The following UBE2D2 variants were observed in gnomAD, a reference collection of about 807,000 sequenced individuals.
UBE2D2 encodes ubiquitin-conjugating enzyme E2 D2.
Under a neutral mutation model 24.2 loss-of-function variants are expected in UBE2D2, and 2 were observed. The observed-to-expected ratio is 0.08, with a 90% CI of 0.03 to 0.26. The LOEUF is 0.26. Ranked by LOEUF, UBE2D2 falls within the 10% of genes least tolerant of loss-of-function variation. UBE2D2 has a pLI of 1.00. For missense variants in UBE2D2, 44 were observed against 177.6 expected, an observed-to-expected ratio of 0.25 and a Z score of 4.28; for synonymous variants, 58 against 56.5, an observed-to-expected ratio of 1.03 and a Z score of -0.12.
chr5:139,593,295 A>AT (rs1753885539), intron 1 of UBE2D2, among the ~76,000 whole-genome samples: 1 of 152,004 alleles, frequency 6.6e-6, no homozygotes, highest in African/African-American at 2.4e-5. Flanking sequence ...CACCTGGCCG[A>AT]TTCTCAGACA....
intron 1 of UBE2D2, among the ~76,000 whole-genome samples, chr5:139,577,108 G>A (rs1007468308): frequency 6.6e-6 from 1 of 151,922 alleles, no homozygotes; most frequent in South Asian, 2.1e-4. Context: ...GTAGGAAGAC[G>A]GTGGTAACCG....
At chr5:139,584,564 C>T (rs1383045229) in intron 1 of UBE2D2, among the ~76,000 whole-genome samples, 1 of 139,006 alleles carries the variant, frequency 7.2e-6, no homozygotes, top group African/African-American at 2.8e-5. Context: ...AAGAGTTTCG[C>T]TCTTGTTGCC....
chr5:139,537,195 A>C (rs1386416303), intron 1 of UBE2D2, among the ~76,000 whole-genome samples: 3 of 151,888 alleles, frequency 2.0e-5, no homozygotes, highest in South Asian at 4.2e-4. Context: ...AAAAAAAAAA[A>C]AAACAACAAA....
chr5:139,573,422 C>T (rs1753396793), intron 1 of UBE2D2, among the ~76,000 whole-genome samples: 1 of 151,772 alleles, frequency 6.6e-6, no homozygotes, highest in African/African-American at 2.4e-5. Context: ...ATCAGGTACT[C>T]CTTTAAATGT....
intron 1 of UBE2D2, among the ~76,000 whole-genome samples, chr5:139,575,077 A>C (rs938377618): frequency 3.9e-5 from 6 of 152,214 alleles, no homozygotes; most frequent in African/African-American, 1.4e-4. Context: ...AAAGGAACAA[A>C]TAGTGAAACA....
Position 139,619,819 on chromosome 5 carries a change from C to T in UBE2D2, c.305-3549C>T, listed in dbSNP as rs187853437. On this transcript the variant is annotated intron_variant, in intron 5 of 6. Transcript: ENST00000398733. Reference sequence around the variant, plus strand: ...CGGAGGTTGCAGGAAGCTGGGATCGCGCCATTGCACTCCAGCCTGGGCAAC... The same window carrying T: ...CGGAGGTTGCAGGAAGCTGGGATCGTGCCATTGCACTCCAGCCTGGGCAAC... 1.6e-3 allele frequency among the ~76,000 whole-genome samples: 243 copies of T among 152,054 alleles called. 1 individual carries two copies. Among genetic ancestry groups the T allele is most frequent in the African/African-American group, 5.6e-3 (233 of 41,428 alleles).
intron 2 of UBE2D2, among the ~76,000 whole-genome samples, chr5:139,601,191 C>T (rs1299700094): frequency 6.6e-6 from 1 of 152,160 alleles, no homozygotes. Context: ...ATGATAATTT[C>T]CTCTTTGTTC....
chr5:139,617,252 G>GA (rs1221445205), intron 5 of UBE2D2, among the ~76,000 whole-genome samples: 1 of 150,390 alleles, frequency 6.6e-6, no homozygotes, highest in Non-Finnish European at 1.5e-5. Flanking sequence ...GAGAAAAGCA[G>GA]AAAAAAGAAA....
At chr5:139,557,135 C>A (rs779404053), upstream of UBE2D2, among the ~76,000 whole-genome samples, 1 of 149,238 alleles carries the variant, frequency 6.7e-6, no homozygotes, top group Non-Finnish European at 1.5e-5. Flanking sequence ...GCCCAGCCAA[C>A]TTTTATTTCT....
intron 1 of UBE2D2, among the ~76,000 whole-genome samples, chr5:139,549,860 C>T (rs375748799): frequency 2.6e-5 from 4 of 152,228 alleles, no homozygotes; most frequent in Non-Finnish European, 4.4e-5. Flanking sequence ...AGTGTACATG[C>T]GCCAATCAGC....
At chr5:139,548,163 CA>C (rs749269739) in intron 1 of UBE2D2, among the ~76,000 whole-genome samples, 2 of 33,004 alleles carry the variant, frequency 6.1e-5, no homozygotes, top group East Asian at 1.7e-3. Context: ...GACTCCGTCT[CA>C]AAAAAAAAAA....
intron 5 of UBE2D2, among the ~76,000 whole-genome samples, chr5:139,617,800 A>G (rs1368943317): frequency 6.6e-6 from 1 of 152,086 alleles, no homozygotes; most frequent in Non-Finnish European, 1.5e-5. Context: ...AGGAACAATA[A>G]TACATATTTC....
At chr5:139,608,014 T>TG (rs963624349) in intron 2 of UBE2D2, among the ~76,000 whole-genome samples, 7 of 148,766 alleles carry the variant, frequency 4.7e-5, no homozygotes, top group East Asian at 4.1e-4. Context: ...CTCTGTCTCT[T>TG]GGGAAAAAAA....
At chr5:139,550,534 A>G (rs535635378) in intron 1 of UBE2D2, among the ~76,000 whole-genome samples, 1 of 152,230 alleles carries the variant, frequency 6.6e-6, no homozygotes, top group South Asian at 2.1e-4. Context: ...CTGCGCTAGT[A>G]GTGGCAACTG....
intron 1 of UBE2D2, among the ~76,000 whole-genome samples, chr5:139,584,722 C>T (rs770003160): frequency 4.6e-5 from 7 of 150,816 alleles, no homozygotes; most frequent in African/African-American, 1.2e-4. Flanking sequence ...TAGCAGAGAC[C>T]GGGTTTCACC....
At chr5:139,616,817 T>C (rs1461941623) in intron 5 of UBE2D2, among the ~76,000 whole-genome samples, 1 of 152,216 alleles carries the variant, frequency 6.6e-6, no homozygotes, top group Non-Finnish European at 1.5e-5. Context: ...CATTGTGATT[T>C]AGTTCTGAAA....
chr5:139,581,226 A>G (rs938472663), intron 1 of UBE2D2, among the ~76,000 whole-genome samples: 2 of 152,152 alleles, frequency 1.3e-5, no homozygotes, highest in African/African-American at 4.8e-5. Context: ...AGGCGGGTGG[A>G]TCATGAGGTC....
chr5:139,622,930 G>C (rs186004667), intron 5 of UBE2D2, among the ~76,000 whole-genome samples: 1 of 151,992 alleles, frequency 6.6e-6, no homozygotes, highest in Non-Finnish European at 1.5e-5. Context: ...TTTGCCAGGT[G>C]TGGTGGCTCA....
chr5:139,562,245 T>A lies in UBE2D2; in HGVS notation c.24+430T>A, dbSNP rs981373199. The A allele has an allele frequency of 4.4e-6, 6 of 1,364,326 alleles. No homozygotes were observed. The African/African-American group carries it at 8.8e-5, about 20-fold the overall frequency. 84.5% of individuals were successfully genotyped at this position (1,364,326 alleles called of 1,614,324 possible). ...TCCCTCCTCCCACACCTGCCCTAGC[T>A]CCCTCCACAAAACCGCCTGAGCTCG... is the stretch of plus-strand genomic sequence containing the variant. On this transcript the variant is annotated intron_variant, in intron 1 of 6. Coordinates refer to ENST00000398733, the MANE Select transcript of UBE2D2 (RefSeq NM_003339.3).
Sources: allele counts gnomAD v4.1 joint callset (sites outside exome capture counted in the v4.1 genomes callset), GRCh38; gene constraint gnomAD v4.1.1; transcripts MANE v1.5; gene names NCBI Gene and HGNC (gene_info 2026-07-23, HGNC 2026-07-21).